Variants in WDFY3 observed in about 807,000 individuals in gnomAD.
WDFY3 encodes the protein WD repeat and FYVE domain containing 3.
In WDFY3, 66 loss-of-function variants were observed where a neutral mutation model predicts 409.6. That is an observed-to-expected ratio of 0.16 (90% CI 0.13 to 0.20). The LOEUF is 0.20. WDFY3 is among the 10% of genes least tolerant of loss of function. The probability of loss-of-function intolerance (pLI) is 1.00; values close to 1 mark genes in which losing one functional copy is unlikely to be tolerated. For synonymous variants in WDFY3, 1,521 were observed against 1,537.1 expected, an observed-to-expected ratio of 0.99 and a Z score of 0.25; for missense variants, 3,031 against 4,298.1, an observed-to-expected ratio of 0.71 and a Z score of 8.24.
intron 2 of WDFY3, among the ~76,000 whole-genome samples, chr4:84,925,981 G>A (rs1306238006): frequency 1.3e-5 from 2 of 151,384 alleles, no homozygotes; most frequent in East Asian, 4.0e-4. Context: ...GGTTTAAAAA[G>A]GTAAGGGAGA....
chr4:84,831,807 T>C (rs897272648), intron 7 of WDFY3, among the ~76,000 whole-genome samples: 1 of 152,092 alleles, frequency 6.6e-6, no homozygotes, highest in Non-Finnish European at 1.5e-5. Flanking sequence ...TCAAGCCAGT[T>C]AGAATGGCTA....
intron 1 of WDFY3, among the ~76,000 whole-genome samples, chr4:84,953,457 A>G (rs1773863925): frequency 6.6e-6 from 1 of 152,154 alleles, no homozygotes. Context: ...TAATTATGTG[A>G]GATGATAGAT....
rs889369954 is a variant in WDFY3 at position 84,678,208 on chromosome 4, T to G, written c.10219A>C (p.Asn3407His). The G allele has an allele frequency of 1.7e-5, 27 of 1,614,012 alleles. No individual in the cohort carries two copies. The highest frequency in any genetic ancestry group is 2.2e-5 in the Non-Finnish European group (26 of 1,180,030). ...TMHTAFDRKD[N>H]AHPAEVTALG... ...GCAGTGACCTCAGCTGGGTGTGCAT[T>G]GTCCTTTCGATCAAAGGCTGTGTGC... The change falls in exon 66 of 68, where the codon AAT (asparagine) becomes CAT (histidine). Residue 3407 changes from asparagine (N) to histidine (H), a missense_variant. Around this residue, in one of 16 missense-constraint regions of WDFY3, gnomAD observed 378 missense variants for 477.3 expected, o/e 0.79. Coordinates refer to ENST00000295888, the MANE Select transcript of WDFY3 (RefSeq NM_014991.6).
chr4:84,683,102 A>T (rs1727675723), intron 63 of WDFY3, among the ~76,000 whole-genome samples: 1 of 152,230 alleles, frequency 6.6e-6, no homozygotes, highest in Non-Finnish European at 1.5e-5. Flanking sequence ...TACAGTAAAC[A>T]GAATCCCCAG....
chr4:84,903,412 C>T (rs181961674), intron 2 of WDFY3, among the ~76,000 whole-genome samples: 1 of 152,148 alleles, frequency 6.6e-6, no homozygotes, highest in Non-Finnish European at 1.5e-5. Flanking sequence ...CTCTGCCTCC[C>T]AGGTTCAAGC....
chr4:84,749,817 C>G (rs890013439), intron 36 of WDFY3, among the ~76,000 whole-genome samples: 2 of 152,094 alleles, frequency 1.3e-5, no homozygotes, highest in Non-Finnish European at 2.9e-5. Flanking sequence ...TACTCCTACT[C>G]GCTAGTATAT....
intron 2 of WDFY3, among the ~76,000 whole-genome samples, chr4:84,906,823 A>G (rs1430861344): frequency 7.1e-6 from 1 of 140,662 alleles, no homozygotes; most frequent in Non-Finnish European, 1.5e-5. Flanking sequence ...GGTATATTTT[A>G]TATGTGGCCC....
At chr4:84,870,817 C>T (rs1762037380) in intron 3 of WDFY3, among the ~76,000 whole-genome samples, 1 of 151,872 alleles carries the variant, frequency 6.6e-6, no homozygotes, top group African/African-American at 2.4e-5. Flanking sequence ...CACTAAAACA[C>T]TGATATTTAG....
intron 53 of WDFY3, among the ~76,000 whole-genome samples, chr4:84,706,803 G>A (rs544557157): frequency 3.3e-5 from 5 of 152,174 alleles, no homozygotes; most frequent in Admixed American, 6.5e-5. Flanking sequence ...GGTGCCCCAC[G>A]ATAGCAGTTC....
chr4:84,678,529 G>C (rs1403483749), intron 65 of WDFY3, among the ~76,000 whole-genome samples: 4 of 152,182 alleles, frequency 2.6e-5, no homozygotes, highest in Non-Finnish European at 5.9e-5. Flanking sequence ...TTCAATGCAA[G>C]CAGATGCATC....
At chr4:84,807,045 T>A (rs774016946) in intron 15 of WDFY3, among the ~76,000 whole-genome samples, 2 of 152,222 alleles carry the variant, frequency 1.3e-5, no homozygotes, top group Non-Finnish European at 2.9e-5. Flanking sequence ...ATCACCATAT[T>A]TTTAAATTGT....
intron 23 of WDFY3, 119 bp from the exon 24 acceptor site, chr4:84,786,258 G>C: frequency 2.0e-6 from 2 of 982,080 alleles, no homozygotes; most frequent in Non-Finnish European, 2.9e-6. Context: ...TAGAATAAGA[G>C]AGGTAAATTT....
chr4:84,926,941 G>A (rs1411573473), intron 2 of WDFY3, among the ~76,000 whole-genome samples: 2 of 152,108 alleles, frequency 1.3e-5, no homozygotes, highest in Admixed American at 1.3e-4. Context: ...TTAAATTTTT[G>A]TATGATTTCT....
intron 1 of WDFY3, among the ~76,000 whole-genome samples, chr4:84,959,380 GT>G (rs1231307798): frequency 6.6e-6 from 1 of 152,216 alleles, no homozygotes; most frequent in Non-Finnish European, 1.5e-5. Context: ...TGGAAAGAGT[GT>G]GAGGGTAATC....
intron 17 of WDFY3, among the ~76,000 whole-genome samples, chr4:84,800,681 C>A (rs886909306): frequency 3.3e-5 from 5 of 152,220 alleles, no homozygotes; most frequent in Non-Finnish European, 4.4e-5. Flanking sequence ...TTGTGGAAGA[C>A]AATTTTTTCA....
chr4:84,830,630 T>G (rs1335157451), intron 8 of WDFY3, among the ~76,000 whole-genome samples: 1 of 152,208 alleles, frequency 6.6e-6, no homozygotes, highest in Admixed American at 6.5e-5. Flanking sequence ...ACAGACATTT[T>G]AAAAGATAGC....
chr4:84,937,926 C>A (rs1433485977), intron 1 of WDFY3, among the ~76,000 whole-genome samples: 1 of 152,004 alleles, frequency 6.6e-6, no homozygotes, highest in African/African-American at 2.4e-5. Context: ...CCAAGACCCC[C>A]AGTACATTTT....
intron 36 of WDFY3, among the ~76,000 whole-genome samples, chr4:84,745,701 T>A (rs1303120077): frequency 6.6e-6 from 1 of 152,114 alleles, no homozygotes; most frequent in Non-Finnish European, 1.5e-5. Context: ...TTAAACTAAT[T>A]TGGGAAAAAG....
At chr4:84,915,261 AC>A (rs1161887303) in intron 2 of WDFY3, among the ~76,000 whole-genome samples, 3 of 152,180 alleles carry the variant, frequency 2.0e-5, no homozygotes, top group Non-Finnish European at 4.4e-5. Flanking sequence ...GGTGATGGTT[AC>A]CCAACATCCT....
Sources: allele counts gnomAD v4.1 joint callset (sites outside exome capture counted in the v4.1 genomes callset), GRCh38; gene constraint gnomAD v4.1.1; regional missense constraint gnomAD v4.1.1; transcripts MANE v1.5; gene names NCBI Gene and HGNC (gene_info 2026-07-23, HGNC 2026-07-21).